PEPD: variants seen among roughly 807,000 people sequenced by gnomAD.
The protein encoded by PEPD is peptidase D.
PEPD carries 53 observed loss-of-function variants against 60.7 expected under a neutral mutation model. The ratio of observed to expected loss-of-function variants is 0.87; its 90% CI spans 0.70 to 1.10. PEPD has a LOEUF of 1.10. Ranked by LOEUF, PEPD falls within the 50% of genes least tolerant of loss-of-function variation. PEPD has a pLI of 0.00. For missense variants in PEPD, 711 were observed against 711.9 expected (o/e 1.00, Z 0.01); for synonymous variants, 267 against 284.1 (o/e 0.94, Z 0.60).
chr19:33,502,196 G>C (rs536806588), intron 3 of PEPD, among the ~76,000 whole-genome samples: 1 of 152,120 alleles, frequency 6.6e-6, no homozygotes, highest in African/African-American at 2.4e-5. Flanking sequence ...ACACATACTC[G>C]GTCCTATGTC....
At chr19:33,428,193 C>T (rs983270165) in intron 9 of PEPD, among the ~76,000 whole-genome samples, 8 of 152,310 alleles carry the variant, frequency 5.3e-5, no homozygotes, top group South Asian at 4.1e-4. Context: ...TTAGAAAATT[C>T]GCACAGTGCC....
intron 11 of PEPD, among the ~76,000 whole-genome samples, chr19:33,409,668 G>A (rs552484940): frequency 7.2e-5 from 11 of 152,290 alleles, no homozygotes; most frequent in East Asian, 1.9e-4. Flanking sequence ...GAGCAAGACC[G>A]TCTCTTAAAA....
At chr19:33,407,879 C>A (rs756729582) in intron 11 of PEPD, among the ~76,000 whole-genome samples, 1 of 152,196 alleles carries the variant, frequency 6.6e-6, no homozygotes, top group African/African-American at 2.4e-5. Context: ...CTCACCCCTG[C>A]GTGCATGCGA....
Position 33,391,464 on chromosome 19 carries a change from T to G in PEPD, c.983A>C (p.Asp328Ala). Residue 328 changes from aspartate to alanine, a missense_variant, in exon 13 of 15, where the codon GAC becomes GCC. Asp to Ala is a moderately radical substitution (Grantham distance 126). Transcript: ENST00000244137. ...GATGCGGTCAGCCAGGCGGTGCATG[T>G]CAGGCCACCAGACACCTGTGGGCCA... ...GAMKPGVWWP[D>A]MHRLADRIHL... 2 of 1,551,220 alleles carry G rather than the reference T, an allele frequency of 1.3e-6. No individual in the cohort carries two copies. Among genetic ancestry groups the G allele is most frequent in the South Asian group, 2.4e-5 (2 of 84,208 alleles).
intron 9 of PEPD, among the ~76,000 whole-genome samples, chr19:33,427,008 G>A (rs113501180): frequency 0.1 from 15,859 of 152,284 alleles, 914 homozygotes; most frequent in Non-Finnish European, 0.12. Context: ...GCTGTTAGGC[G>A]TGAACTGCCG....
At position 33,387,138 on chromosome 19, in the gene PEPD, A is replaced by G; in HGVS notation, c.*206T>C. 1.7e-6 allele frequency: 1 copy of G among 604,868 alleles called. No individual in the cohort carries two copies. Among genetic ancestry groups the G allele is most frequent in the East Asian group, 2.8e-5 (1 of 36,170 alleles). The allele number at this position is 604,868 out of a possible 1,614,324, so 37.5% of individuals were successfully genotyped here. On this transcript the variant is annotated 3_prime_UTR_variant, in exon 15 of 15. Coordinates refer to ENST00000244137, the MANE Select transcript of PEPD (RefSeq NM_000285.4). Reference sequence around the variant, plus strand: ...TCATTTAATAAGCAAGGTATAAAACAGATTAAAGGTGGGAGCCTGCAAAAG... The same window carrying G: ...TCATTTAATAAGCAAGGTATAAAACGGATTAAAGGTGGGAGCCTGCAAAAG...
chr19:33,518,484 C>T (rs962126197), intron 1 of PEPD, among the ~76,000 whole-genome samples: 2 of 152,138 alleles, frequency 1.3e-5, no homozygotes, highest in Non-Finnish European at 2.9e-5. Flanking sequence ...CAGGGGTACA[C>T]GTCCAGGGCA....
intron 3 of PEPD, among the ~76,000 whole-genome samples, chr19:33,501,679 A>G (rs1970717041): frequency 6.6e-6 from 1 of 151,822 alleles, no homozygotes; most frequent in Non-Finnish European, 1.5e-5. Flanking sequence ...TCCATCTCAA[A>G]TAATAATAAT....
rs752342363 is a variant in PEPD at position 33,387,895 on chromosome 19, C to T, written c.1339G>A (p.Gly447Ser). The stretch of plus-strand genomic sequence containing the variant: ...TGGGGCCCGTGGGCACTCACCCCGC[C>T]AAAACCGCGAAAGCGCTGCAGGACC... ...REVLQRFRGF[G>S]GVRIEEDVVV... Residue 447 changes from glycine to serine, a missense_variant, in exon 14 of 15, where the codon GGC (glycine) becomes AGC (serine). Gly to Ser is a moderately conservative substitution (Grantham distance 56). Transcript: ENST00000244137. 4 of 1,567,308 alleles carry T rather than the reference C, an allele frequency of 2.6e-6. No homozygotes were observed. Among genetic ancestry groups the T allele is most frequent in the Non-Finnish European group, 3.5e-6 (4 of 1,156,632 alleles).
chr19:33,422,818 A>ATATCTATC (rs201899160), intron 9 of PEPD, among the ~76,000 whole-genome samples: 232 of 131,208 alleles, frequency 1.8e-3, no homozygotes, highest in African/African-American at 5.6e-3. Context: ...CCATCCTTCT[A>ATATCTATC]TATCTATCTA....
intron 9 of PEPD, among the ~76,000 whole-genome samples, chr19:33,457,154 G>A (rs1396782966): frequency 6.6e-6 from 1 of 151,400 alleles, no homozygotes; most frequent in Non-Finnish European, 1.5e-5. Flanking sequence ...GTGCCAGGCC[G>A]GGCATAGTGG....
At chr19:33,391,121 C>G (rs1968207270) in intron 13 of PEPD, among the ~76,000 whole-genome samples, 174 bp downstream of exon 13, 2 of 152,156 alleles carry the variant, frequency 1.3e-5, no homozygotes, top group South Asian at 4.1e-4. Flanking sequence ...CCTGTCTTGG[C>G]CAGGGTCCCG....
At chr19:33,417,245 C>T (rs559889457) in intron 9 of PEPD, among the ~76,000 whole-genome samples, 39 of 152,366 alleles carry the variant, frequency 2.6e-4, no homozygotes, top group African/African-American at 8.7e-4. Context: ...CCCGGCTGGG[C>T]CTCAATGGAT....
chr19:33,389,324 A>C (rs1968158052), intron 13 of PEPD, among the ~76,000 whole-genome samples: 1 of 152,174 alleles, frequency 6.6e-6, no homozygotes, highest in Non-Finnish European at 1.5e-5. Context: ...CTGAGGCCGG[A>C]GGGCAGGGAT....
At chr19:33,405,104 T>G (rs1968590044) in intron 11 of PEPD, among the ~76,000 whole-genome samples, 1 of 152,178 alleles carries the variant, frequency 6.6e-6, no homozygotes, top group Admixed American at 6.5e-5. Context: ...AGGATGCATC[T>G]CCAAACAACG....
At chr19:33,495,039 G>A (rs890167596) in intron 4 of PEPD, among the ~76,000 whole-genome samples, 10 of 151,984 alleles carry the variant, frequency 6.6e-5, no homozygotes, top group Non-Finnish European at 2.9e-5. Flanking sequence ...AGGAGGCTGA[G>A]GCAGGAGAAT....
At chr19:33,410,904 G>A (rs1041585938) in intron 11 of PEPD, among the ~76,000 whole-genome samples, 2 of 152,126 alleles carry the variant, frequency 1.3e-5, no homozygotes, top group Admixed American at 6.5e-5. Context: ...GACATCTGAC[G>A]TGCAGGGCAC....
Position 33,401,863 on chromosome 19 carries a change from G to T in PEPD, c.825C>A (p.Phe275Leu). Residue 275 changes from phenylalanine to leucine, a missense_variant, in exon 12 of 15, where the codon TTC becomes TTA. Physicochemically the swap from Phe to Leu is conservative, Grantham distance 22. Transcript: ENST00000244137. ...RTIQNGDMCL[F>L]DMGGEYYCFA... ...AGCAGTAATACTCACCGCCCATGTC[G>T]AACAGGCTGCGGAGAGAGGAAGGCA... 1.2e-6 allele frequency: 2 copies of T among 1,612,988 alleles called. No individual in the cohort carries two copies. The highest frequency in any genetic ancestry group is 2.2e-5 in the South Asian group (2 of 91,000).
chr19:33,505,282 C>G (rs1051535149), intron 3 of PEPD, among the ~76,000 whole-genome samples: 2 of 152,164 alleles, frequency 1.3e-5, no homozygotes, highest in Non-Finnish European at 2.9e-5. Context: ...GGCATTTGCT[C>G]TGCGGTGGAA....
Sources: allele counts gnomAD v4.1 joint callset (sites outside exome capture counted in the v4.1 genomes callset), GRCh38; gene constraint gnomAD v4.1.1; transcripts MANE v1.5; gene names NCBI Gene and HGNC (gene_info 2026-07-23, HGNC 2026-07-21).